The following CREB5 variants were observed in gnomAD, a reference collection of about 807,000 sequenced individuals.
CREB5 encodes the protein cyclic AMP-responsive element-binding protein 5.
In CREB5, 19 loss-of-function variants were observed where a neutral mutation model predicts 57.1. That is an observed-to-expected ratio of 0.33 (90% CI 0.23 to 0.49). The LOEUF (loss-of-function observed/expected upper bound fraction) is 0.49, where lower values mean the gene tolerates loss of function less well. CREB5 is among the 20% of genes least tolerant of loss of function. The pLI, the probability that CREB5 is intolerant of heterozygous loss-of-function variation, is 0.99. For missense variants in CREB5, 579 were observed against 671.6 expected (o/e 0.86, Z 1.52); for synonymous variants, 238 against 238.3 (o/e 1.00, Z 0.01).
At chr7:28,805,636 G>C (rs1808678510) in intron 8 of CREB5, among the ~76,000 whole-genome samples, 1 of 152,210 alleles carries the variant, frequency 6.6e-6, no homozygotes, top group Non-Finnish European at 1.5e-5. Context: ...AACTCTCGAA[G>C]CTATTCATTA....
chr7:28,557,632 T>C (rs1398318404), intron 4 of CREB5, among the ~76,000 whole-genome samples: 1 of 152,152 alleles, frequency 6.6e-6, no homozygotes, highest in Admixed American at 6.5e-5. Context: ...TAATTTCTGA[T>C]CAAGTGGTCA....
intron 1 of CREB5, among the ~76,000 whole-genome samples, chr7:28,418,911 G>A (rs1562703674): frequency 1.3e-5 from 2 of 152,272 alleles, no homozygotes; most frequent in East Asian, 1.9e-4. Context: ...TATTGCGCTT[G>A]TCTTTGTATT....
At chr7:28,498,341 A>G (rs531393016) in intron 3 of CREB5, among the ~76,000 whole-genome samples, 2 of 152,360 alleles carry the variant, frequency 1.3e-5, no homozygotes, top group East Asian at 3.9e-4. Flanking sequence ...GAGGCTCATC[A>G]TATTTTAAGA....
intron 1 of CREB5, among the ~76,000 whole-genome samples, chr7:28,353,748 C>T (rs1289635791): frequency 6.6e-6 from 1 of 150,848 alleles, no homozygotes; most frequent in African/African-American, 2.4e-5. Context: ...GAGGCTGAGG[C>T]AGGAGAATGG....
intron 1 of CREB5, among the ~76,000 whole-genome samples, chr7:28,474,459 TG>T (rs1790975349): frequency 6.6e-6 from 1 of 152,210 alleles, no homozygotes. Context: ...GCCTGGTGCT[TG>T]AGCTGTTTGC....
At chr7:28,335,279 AT>A (rs1785802045) in intron 1 of CREB5, among the ~76,000 whole-genome samples, 2 of 152,074 alleles carry the variant, frequency 1.3e-5, no homozygotes, top group African/African-American at 4.8e-5. Context: ...CTGTAAATTG[AT>A]TTTGTAATAC....
intron 1 of CREB5, among the ~76,000 whole-genome samples, chr7:28,459,095 T>C (rs1263940635): frequency 6.6e-6 from 1 of 152,100 alleles, no homozygotes; most frequent in African/African-American, 2.4e-5. Context: ...CCCACACCCA[T>C]CCAGTGACCA....
chr7:28,759,573 A>G (rs1390243218), intron 7 of CREB5, among the ~76,000 whole-genome samples: 32 of 152,336 alleles, frequency 2.1e-4, no homozygotes, highest in Non-Finnish European at 1.2e-4. Flanking sequence ...TGTTCCTTAA[A>G]TGAGGGCTTA....
rs143107685 is a variant in CREB5 at position 28,731,923 on chromosome 7, G to A, written c.702+7591G>A. On this transcript the variant is annotated intron_variant, in intron 7 of 10. Transcript: ENST00000357727. Reference sequence around the variant, plus strand: ...GCCAGCCAGCGTACGAATACATGCTGAGGATTTCATCCCTTGGCACCTAGT... The same window carrying A: ...GCCAGCCAGCGTACGAATACATGCTAAGGATTTCATCCCTTGGCACCTAGT... Among the ~76,000 whole-genome samples the A allele has an allele frequency of 3.1e-3, 475 of 152,228 alleles. 1 individual carries two copies. Among genetic ancestry groups the A allele is most frequent in the African/African-American group, 0.011 (461 of 41,534 alleles).
chr7:28,607,353 A>C (rs1797176591), intron 5 of CREB5, among the ~76,000 whole-genome samples: 1 of 152,148 alleles, frequency 6.6e-6, no homozygotes, highest in Non-Finnish European at 1.5e-5. Context: ...TGTTGCACAG[A>C]GTATCCCTTG....
intron 7 of CREB5, among the ~76,000 whole-genome samples, chr7:28,751,963 G>C (rs1419112955): frequency 2.0e-5 from 3 of 152,036 alleles, no homozygotes; most frequent in Non-Finnish European, 4.4e-5. Context: ...CCCCCAGTTT[G>C]TGTTTGGGTG....
At chr7:28,430,108 T>C (rs1788656993) in intron 1 of CREB5, among the ~76,000 whole-genome samples, 1 of 152,240 alleles carries the variant, frequency 6.6e-6, no homozygotes, top group African/African-American at 2.4e-5. Flanking sequence ...CAGAGGTGCC[T>C]GTGTTGTTTG....
At chr7:28,654,070 G>C (rs1315007424) in intron 5 of CREB5, among the ~76,000 whole-genome samples, 1 of 152,066 alleles carries the variant, frequency 6.6e-6, no homozygotes, top group East Asian at 1.9e-4. Context: ...ATTTCCAGTA[G>C]CCAATATACA....
chr7:28,314,818 A>G (rs1785345556), intron 1 of CREB5, among the ~76,000 whole-genome samples: 1 of 152,216 alleles, frequency 6.6e-6, no homozygotes, highest in South Asian at 2.1e-4. Flanking sequence ...CTTCAGAAGT[A>G]TGTTGTAGAA....
At chr7:28,776,514 G>C (rs1056915980) in intron 7 of CREB5, among the ~76,000 whole-genome samples, 2 of 152,138 alleles carry the variant, frequency 1.3e-5, no homozygotes, top group East Asian at 1.9e-4. Context: ...AAGAAGGCAA[G>C]AGAGTTTTTT....
At chr7:28,658,781 C>A (rs1427999336) in intron 5 of CREB5, among the ~76,000 whole-genome samples, 1 of 151,728 alleles carries the variant, frequency 6.6e-6, no homozygotes, top group Non-Finnish European at 1.5e-5. Flanking sequence ...GGGCTGACAG[C>A]TGCTGCACAA....
At chr7:28,720,355 T>TGGG (rs1802957272) in intron 6 of CREB5, among the ~76,000 whole-genome samples, 1 of 152,236 alleles carries the variant, frequency 6.6e-6, no homozygotes, top group South Asian at 2.1e-4. Flanking sequence ...AGCAATCCTG[T>TGGG]GGGGATACAG....
chr7:28,714,113 A>G (rs1301484231), intron 5 of CREB5, among the ~76,000 whole-genome samples: 1 of 151,884 alleles, frequency 6.6e-6, no homozygotes, highest in Non-Finnish European at 1.5e-5. Flanking sequence ...AAGCATCACC[A>G]TGCCTGGCTA....
rs555669678 is a variant in CREB5, at chr7:28,694,270, G to A, written c.465-24483G>A. ...TATAATAAACCCATTTAGTGTAAAT[G>A]TAGTTGTAAATTGCTCTTGCGTAGC... On this transcript the variant is annotated intron_variant, in intron 5 of 10. Transcript: ENST00000357727. 2.0e-5 allele frequency among the ~76,000 whole-genome samples: 3 copies of A among 152,310 alleles called. No homozygotes were observed. The South Asian group carries it at 6.2e-4, about 32-fold the overall frequency.
Sources: allele counts gnomAD v4.1 joint callset (sites outside exome capture counted in the v4.1 genomes callset), GRCh38; gene constraint gnomAD v4.1.1; transcripts MANE v1.5; gene names NCBI Gene and HGNC (gene_info 2026-07-23, HGNC 2026-07-21).